Variants in FAAH2 observed in about 807,000 individuals in gnomAD.
FAAH2 encodes fatty acid amide hydrolase 2, also known as fatty-acid amide hydrolase 2.
Under a neutral mutation model 36.9 loss-of-function variants are expected in FAAH2, and 60 were observed. The observed-to-expected ratio is 1.63, with a 90% confidence interval of 1.32 to 2.02. FAAH2 has a LOEUF of 2.02. FAAH2 is among the 30% of genes most tolerant of loss of function. The pLI, the probability that FAAH2 is intolerant of heterozygous loss-of-function variation, is 0.00. For synonymous variants in FAAH2, 214 were observed against 143.8 expected (o/e 1.49, Z -3.49); for missense variants, 689 against 397.5 (o/e 1.73, Z -6.23).
At chrX:57,187,165 A>G in the FAAH2 span, among the ~76,000 whole-genome samples, 4 of 111,459 alleles carry the variant, frequency 3.6e-5, no homozygotes, top group Non-Finnish European at 7.5e-5. Flanking sequence ...CAGTGTGGTT[A>G]TTTTCACAAT....
At chrX:57,163,868 G>A in the FAAH2 span, among the ~76,000 whole-genome samples, 4 of 112,098 alleles carry the variant, frequency 3.6e-5, no homozygotes, top group Middle Eastern at 4.6e-3. Flanking sequence ...GTTTCTATTC[G>A]GCCATCTTGG....
chrX:57,387,416 G>A (rs955840888), intron 7 of FAAH2, among the ~76,000 whole-genome samples: 1 of 110,931 alleles, frequency 9.0e-6, no homozygotes, highest in South Asian at 3.8e-4. Flanking sequence ...TAGGATGTAC[G>A]ATGAAAATGA....
At chrX:57,424,825 T>TGTGGG (rs1308082284) in intron 7 of FAAH2, among the ~76,000 whole-genome samples, 3 of 111,499 alleles carry the variant, frequency 2.7e-5, no homozygotes, top group Non-Finnish European at 5.7e-5. Context: ...TATGAAAAAA[T>TGTGGG]GTGGGTGTTA....
At chrX:57,200,725 T>G in the FAAH2 span, among the ~76,000 whole-genome samples, 1 of 112,014 alleles carries the variant, frequency 8.9e-6, no homozygotes. Context: ...TATCTTATTG[T>G]ATTATCTGTC....
chrX:57,205,293 A>G, the FAAH2 span, among the ~76,000 whole-genome samples: 1 of 112,669 alleles, frequency 8.9e-6, no homozygotes, highest in African/African-American at 3.2e-5. Flanking sequence ...CATTGGTTAA[A>G]TTGTGAAAAT....
chrX:57,204,318 T>C, the FAAH2 span, among the ~76,000 whole-genome samples: 1 of 111,232 alleles, frequency 9.0e-6, no homozygotes, highest in Non-Finnish European at 1.9e-5. Context: ...ATAGAGTGAT[T>C]GCATCCTGGC....
At chrX:57,253,589 G>A in the FAAH2 span, among the ~76,000 whole-genome samples, 1 of 111,919 alleles carries the variant, frequency 8.9e-6, no homozygotes, top group Admixed American at 9.5e-5. Flanking sequence ...AACCCTAAAA[G>A]CCAGAAGAGA....
At chrX:57,172,799 T>G in the FAAH2 span, among the ~76,000 whole-genome samples, 2 of 111,598 alleles carry the variant, frequency 1.8e-5, no homozygotes, top group African/African-American at 6.5e-5. Context: ...AGCCTGCTGG[T>G]GTGCTCCTAC....
At chrX:57,323,342 T>A (rs191245424) in intron 3 of FAAH2, among the ~76,000 whole-genome samples, 1 of 111,792 alleles carries the variant, frequency 8.9e-6, no homozygotes, top group Admixed American at 9.5e-5. Flanking sequence ...CTTTTGGGTA[T>A]ATATCCAGTA....
intron 5 of FAAH2, among the ~76,000 whole-genome samples, chrX:57,364,035 T>C (rs1185487832): frequency 1.6e-5 from 1 of 63,038 alleles, no homozygotes; most frequent in African/African-American, 5.6e-5. Flanking sequence ...TTTTTTTTTG[T>C]ATTGGTGGGC....
the FAAH2 span, among the ~76,000 whole-genome samples, chrX:57,203,344 G>A: frequency 8.9e-6 from 1 of 112,276 alleles, no homozygotes; most frequent in Non-Finnish European, 1.9e-5. Flanking sequence ...TGTGGTTCAG[G>A]AACACTTTTA....
intron 4 of FAAH2, among the ~76,000 whole-genome samples, chrX:57,335,567 A>G (rs1210424103): frequency 8.8e-6 from 1 of 113,271 alleles, no homozygotes; most frequent in Non-Finnish European, 1.9e-5. Context: ...ATCTCAGTAG[A>G]TGGAATATAC....
chrX:57,253,109 C>T, the FAAH2 span, among the ~76,000 whole-genome samples: 2 of 111,129 alleles, frequency 1.8e-5, no homozygotes, highest in African/African-American at 3.3e-5. Context: ...TACTAGACTT[C>T]GTGAAGCATA....
chrX:57,479,329 C>T (rs1045464921), intron 10 of FAAH2, among the ~76,000 whole-genome samples: 8 of 111,812 alleles, frequency 7.2e-5, no homozygotes, highest in Non-Finnish European at 1.3e-4. Context: ...GATTTTTGTA[C>T]GTTGATTTTT....
the FAAH2 span, among the ~76,000 whole-genome samples, chrX:57,167,716 A>G: frequency 1.9e-4 from 21 of 111,668 alleles, no homozygotes; most frequent in African/African-American, 6.5e-4. Context: ...GGGATACTTC[A>G]GAGATGGGCT....
chrX:57,286,861 C>T lies in FAAH2; in HGVS notation c.36C>T (p.Phe12=), dbSNP rs1229315344. Residue 12 remains phenylalanine, a synonymous_variant, in exon 1 of 11, where the codon TTC becomes TTT. Coordinates refer to ENST00000374900, the MANE Select transcript of FAAH2 (RefSeq NM_174912.4). The stretch of plus-strand genomic sequence containing the variant: ...CATTTACCGCCCGCATTCAGTTGTT[C>T]CTCTTGCGGGCGCTAGGCTTTCTCA... ...APSFTARIQL[F]LLRALGFLIG... 5.0e-6 allele frequency: 6 copies of T among 1,193,976 alleles called. No individual in the cohort carries two copies. The highest frequency in any genetic ancestry group is 5.6e-6 in the Non-Finnish European group (5 of 886,079).
At chrX:57,173,698 C>T in the FAAH2 span, among the ~76,000 whole-genome samples, 2 of 111,568 alleles carry the variant, frequency 1.8e-5, no homozygotes, top group East Asian at 5.6e-4. Flanking sequence ...ATGATGTTGG[C>T]TGTGGGTTTG....
At chrX:57,165,810 G>A in the FAAH2 span, among the ~76,000 whole-genome samples, 8 of 110,989 alleles carry the variant, frequency 7.2e-5, no homozygotes, top group Admixed American at 3.8e-4. Context: ...GAAAAATGTG[G>A]GGTCCCTGGC....
intron 10 of FAAH2, among the ~76,000 whole-genome samples, chrX:57,473,317 C>T (rs2057204300): frequency 9.0e-6 from 1 of 111,275 alleles, no homozygotes; most frequent in Non-Finnish European, 1.9e-5. Flanking sequence ...TGTTTAGTTT[C>T]CATGTATTAG....
Sources: gnomAD v4.1 joint callset for allele counts (sites outside exome capture counted in the v4.1 genomes callset) on GRCh38, gnomAD v4.1.1 for gene constraint, MANE v1.5 for transcripts, NCBI Gene and HGNC (gene_info 2026-07-23, HGNC 2026-07-21) for gene names.